Variants in CD300LG observed in about 807,000 individuals in gnomAD.
CD300LG encodes CD300 molecule like family member g.
CD300LG carries 29 observed loss-of-function variants against 31.5 expected under a neutral mutation model. The observed-to-expected ratio is 0.92, with a 90% CI of 0.68 to 1.25. The LOEUF is 1.25. Among genes scored for constraint, CD300LG ranks in the 50% most tolerant of loss-of-function variants. The probability of loss-of-function intolerance (pLI) is 0.00; values close to 1 mark genes in which losing one functional copy is unlikely to be tolerated. For synonymous variants in CD300LG, 175 were observed against 177.2 expected (o/e 0.99, Z 0.10); for missense variants, 396 against 417.6 (o/e 0.95, Z 0.45).
intron 2 of CD300LG, chr17:43,849,661 G>A (rs1246711616): frequency 1.3e-5 from 2 of 152,174 alleles, no homozygotes; most frequent in Non-Finnish European, 2.9e-5. Context: ...CCCATTTCAC[G>A]GATGAGGGAC....
intron 3 of CD300LG, 112 bp downstream of exon 3, chr17:43,853,125 C>A: frequency 1.2e-6 from 1 of 860,584 alleles, no homozygotes; most frequent in Non-Finnish European, 1.8e-6. Flanking sequence ...GGTGTCCCCA[C>A]AAGCCTGGGA....
At position 43,854,143 on chromosome 17, in the gene CD300LG, G is replaced by T. The variant is rs73320354; in HGVS notation, c.719+99G>T. 4,479 of 874,830 alleles carry T rather than the reference G, an allele frequency of 5.1e-3. 129 individuals carry two copies. In the African/African-American group the frequency reaches 0.064, roughly 12 times the overall value. The allele number at this position is 874,830 out of a possible 1,614,324, so 54.2% of individuals were successfully genotyped here. A position where few individuals can be genotyped will look rare whatever the true frequency, so the allele number is the denominator to read the frequency against. On this transcript the variant is annotated intron_variant, in intron 4 of 6. Transcript: ENST00000317310. The stretch of plus-strand genomic sequence containing the variant: ...TCAACACTCTTTCCTCTAAGCGGAC[G>T]CATCCTCTTGTCATGGCCACAGCCT...
At chr17:43,860,939 A>G (rs1051695108) in intron 6 of CD300LG, among the ~76,000 whole-genome samples, 1 of 152,210 alleles carries the variant, frequency 6.6e-6, no homozygotes, top group African/African-American at 2.4e-5. Context: ...GAGGTGAGAC[A>G]GCTTGTCCTT....
Position 43,848,841 on chromosome 17 carries a change from C to T in CD300LG, c.327C>T (p.Val109=), listed in dbSNP as rs145115383. The part of the protein sequence containing the change: ...LQDAGEYWCG[V]EKRGPDESLL... ...ACGCTGGGGAGTACTGGTGTGGGGT[C>T]GAAAAACGGGGCCCCGATGAGTCTT... The change falls in exon 2 of 7, where the codon GTC becomes GTT. Residue 109 remains valine (V), a synonymous_variant. Coordinates refer to ENST00000317310, the MANE Select transcript of CD300LG (RefSeq NM_145273.4). 5.1e-5 allele frequency: 83 copies of T among 1,613,912 alleles called. 1 individual carries two copies. The South Asian group carries it at 6.9e-4, about 13-fold the overall frequency.
chr17:43,848,725 G>A lies in CD300LG; in HGVS notation c.211G>A (p.Gly71Ser), dbSNP rs1461492598. 3 of 1,614,154 alleles carry A rather than the reference G, an allele frequency of 1.9e-6. No individual in the cohort carries two copies. The highest frequency in any genetic ancestry group is 1.6e-4 in the Middle Eastern group (1 of 6,062). ...TGGCACCATCTATGCAGAAGAAGAAGGCCAGGAGACAATGAAGGGCAGGGT... is the reference window on the plus strand; with the variant it reads ...TGGCACCATCTATGCAGAAGAAGAAAGCCAGGAGACAATGAAGGGCAGGGT... Reference protein sequence around the residue: ...CSGTIYAEEEGQETMKGRVSI... With the variant: ...CSGTIYAEEESQETMKGRVSI... The change falls in exon 2 of 7, where the codon GGC becomes AGC. Residue 71 changes from glycine to serine, a missense_variant. Gly to Ser is a moderately conservative substitution (Grantham distance 56). Coordinates refer to ENST00000317310, the MANE Select transcript of CD300LG (RefSeq NM_145273.4).
chr17:43,848,767 C>A lies in CD300LG; in HGVS notation c.253C>A (p.Arg85Ser), dbSNP rs904244227. Residue 85 changes from arginine (R) to serine (S), a missense_variant, in exon 2 of 7, where the codon CGC becomes AGC. By Grantham distance (110) the Arg-to-Ser change is moderately radical. Coordinates refer to ENST00000317310, the MANE Select transcript of CD300LG (RefSeq NM_145273.4). ...GGGCAGGGTGTCCATCCGTGACAGC[C>A]GCCAGGAGCTCTCGCTCATTGTGAC... ...MKGRVSIRDS[R>S]QELSLIVTLW... is the part of the protein sequence containing the mutation. 6.2e-7 allele frequency: 1 copy of A among 1,614,020 alleles called. No individual in the cohort carries two copies. The highest frequency in any genetic ancestry group is 8.5e-7 in the Non-Finnish European group (1 of 1,180,034).
At chr17:43,857,890 C>A in intron 6 of CD300LG, 16 of 1,536,762 alleles carry the variant, frequency 1.0e-5, no homozygotes, top group Non-Finnish European at 1.4e-5. Flanking sequence ...GGACCAGGGG[C>A]AAGAGAATAA....
intron 5 of CD300LG, chr17:43,855,939 A>C (rs896042405): frequency 7.9e-5 from 12 of 152,262 alleles, no homozygotes; most frequent in African/African-American, 2.9e-4. Flanking sequence ...ATTTTATTTT[A>C]TTTTAATTAC....
rs142516182 is a variant in CD300LG, at chr17:43,850,171, G to C, written c.379+1278G>C. 4.7e-3 allele frequency among the ~76,000 whole-genome samples: 713 copies of C among 152,320 alleles called. 6 individuals carry two copies. The highest frequency in any genetic ancestry group is 0.017 in the African/African-American group (686 of 41,566). On this transcript the variant is annotated intron_variant, in intron 2 of 6. Coordinates refer to ENST00000317310, the MANE Select transcript of CD300LG (RefSeq NM_145273.4). ...AGAAGACTGACGACAGTGATGTGCTGGTAAATGTTTAACAGGCTGGGGATG... is the reference window on the plus strand; with the variant it reads ...AGAAGACTGACGACAGTGATGTGCTCGTAAATGTTTAACAGGCTGGGGATG...
In CD300LG at chr17:43,861,978, C is replaced by T. The variant is rs893959885; in HGVS notation, c.*67C>T. 15 of 1,163,876 alleles carry T rather than the reference C, an allele frequency of 1.3e-5. No individual in the cohort carries two copies. The highest frequency in any genetic ancestry group is 2.8e-5 in the Admixed American group (1 of 36,008). 72.1% of individuals were successfully genotyped at this position (1,163,876 alleles called of 1,614,324 possible). A position where few individuals can be genotyped will look rare whatever the true frequency, so the allele number is the denominator to read the frequency against. ...GGCTGGCTGGATCAGCACCGATTCC[C>T]GAAAGCTTTCCACCTCAGCCTCAGA... On this transcript the variant is annotated 3_prime_UTR_variant, in exon 7 of 7. Transcript: ENST00000317310.
At chr17:43,851,576 A>C (rs970595554) in intron 2 of CD300LG, among the ~76,000 whole-genome samples, 4 of 149,714 alleles carry the variant, frequency 2.7e-5, no homozygotes, top group African/African-American at 9.8e-5. Context: ...TGGGGACCGG[A>C]GTAGCTCCTG....
rs547178514 is a variant in CD300LG, at chr17:43,862,906, G to A, written c.*995G>A. 6.6e-6 allele frequency: 1 copy of A among 152,350 alleles called. No homozygotes were observed. The highest frequency in any genetic ancestry group is 1.9e-4 in the East Asian group (1 of 5,196). 9.4% of individuals were successfully genotyped at this position (152,350 alleles called of 1,614,324 possible). ...AAGTAGAAAACCAGAGTGCACGTAG[G>A]TGTCTAACACAGAGGAGAGTAGGAA... On this transcript the variant is annotated 3_prime_UTR_variant, in exon 7 of 7. Coordinates refer to ENST00000317310, the MANE Select transcript of CD300LG (RefSeq NM_145273.4).
At chr17:43,848,506 CT>C in intron 1 of CD300LG, 51 bp from the exon 2 acceptor site, 1 of 1,456,370 alleles carries the variant, frequency 6.9e-7, no homozygotes, top group Non-Finnish European at 9.5e-7. Flanking sequence ...TGGCCTTGAC[CT>C]TGGTACATGG....
rs2046254303 is a variant in CD300LG, at chr17:43,848,625, C to A, written c.111C>A (p.Cys37Ter). 2.5e-6 allele frequency: 4 copies of A among 1,613,852 alleles called. No individual in the cohort carries two copies. Among genetic ancestry groups the A allele is most frequent in the Admixed American group, 3.3e-5 (2 of 60,006 alleles). ...GFEGDTVSLQCTYREELRDHR... is the reference protein window; with the variant it reads ...GFEGDTVSLQ ...AAGGGGACACTGTGTCCCTGCAGTG[C>A]ACCTACAGGGAAGAGCTGAGGGACC... Residue 37 changes from cysteine (C) to a stop codon, truncating the protein, a stop_gained, in exon 2 of 7, where the codon TGC (cysteine) becomes TGA (stop). Transcript: ENST00000317310. LOFTEE classifies it high-confidence loss of function.
intron 6 of CD300LG, chr17:43,858,185 T>G: frequency 8.5e-7 from 1 of 1,169,700 alleles, no homozygotes; most frequent in South Asian, 2.3e-5. Flanking sequence ...GGGTCTGGGG[T>G]GGAAATGGGA....
chr17:43,851,919 CAG>C (rs1487517984), intron 2 of CD300LG, among the ~76,000 whole-genome samples: 1 of 151,992 alleles, frequency 6.6e-6, no homozygotes, highest in African/African-American at 2.4e-5. Context: ...GAGGCACGCA[CAG>C]GGGACTGTGA....
rs201288918 is a variant in CD300LG at position 43,853,928 on chromosome 17, C to T, written c.603C>T (p.Thr201=). ...GHERTSQYTG[T]SPHPATSPPA... is the part of the protein sequence containing the mutation. ...AAAGGACTTCTCAGTACACAGGAAC[C>T]TCTCCTCACCCAGCGACCTCTCCTC... Residue 201 remains threonine, a synonymous_variant, in exon 4 of 7, where the codon ACC becomes ACT. Transcript: ENST00000317310. 6.2e-7 allele frequency: 1 copy of T among 1,614,182 alleles called. No individual in the cohort carries two copies.
Position 43,862,032 on chromosome 17 carries a change from C to A in CD300LG, c.*121C>A, listed in dbSNP as rs2046665086. On this transcript the variant is annotated 3_prime_UTR_variant, in exon 7 of 7. Coordinates refer to ENST00000317310, the MANE Select transcript of CD300LG (RefSeq NM_145273.4). ...CAGCTGCCCGGACTCCAGGGCTCTCCCCACCCTCCCCAGGCTCTCCTCTTG... is the reference window on the plus strand; with the variant it reads ...CAGCTGCCCGGACTCCAGGGCTCTCACCACCCTCCCCAGGCTCTCCTCTTG... The A allele has an allele frequency of 3.3e-6, 2 of 606,492 alleles. No homozygotes were observed. Among genetic ancestry groups the A allele is most frequent in the African/African-American group, 1.9e-5 (1 of 52,852 alleles). 37.6% of individuals were successfully genotyped at this position (606,492 alleles called of 1,614,324 possible). A position where few individuals can be genotyped will look rare whatever the true frequency, so the allele number is the denominator to read the frequency against.
In CD300LG at chr17:43,855,269, C is replaced by T. The variant is rs758568131; in HGVS notation, c.782C>T (p.Ala261Val). Residue 261 changes from alanine to valine, a missense_variant, in exon 5 of 7, where the codon GCC (alanine) becomes GTC (valine). Ala to Val is a moderately conservative substitution (Grantham distance 64). Coordinates refer to ENST00000317310, the MANE Select transcript of CD300LG (RefSeq NM_145273.4). ...CTGGTGCTGCTGAGCCTTCTGTCAG[C>T]CGCAGGCCTGATCGCCTTCTGCAGC... ...PVLVLLSLLS[A>V]AGLIAFCSHL... is the part of the protein sequence containing the mutation. The T allele has an allele frequency of 3.1e-6, 5 of 1,608,240 alleles. No individual in the cohort carries two copies. In the African/African-American group the frequency reaches 5.3e-5, roughly 17 times the overall value.
Sources: gnomAD v4.1 joint callset for allele counts (sites outside exome capture counted in the v4.1 genomes callset) on GRCh38, gnomAD v4.1.1 for gene constraint, MANE v1.5 for transcripts, NCBI Gene and HGNC (gene_info 2026-07-23, HGNC 2026-07-21) for gene names.